The following WWOX variants were observed in gnomAD, a reference collection of about 807,000 sequenced individuals.
The protein encoded by WWOX is WW domain containing oxidoreductase, also known as WW domain-containing oxidoreductase.
A neutral mutation model predicts 46.2 loss-of-function variants in WWOX; 69 were observed. The observed-to-expected ratio is 1.49, with a 90% CI of 1.23 to 1.82. The LOEUF (loss-of-function observed/expected upper bound fraction) is 1.82. WWOX is among the 40% of genes most tolerant of loss of function. The pLI is 0.00. For synonymous variants in WWOX, 359 were observed against 202.6 expected, an observed-to-expected ratio of 1.77 and a Z score of -6.56; for missense variants, 919 against 542.6, an observed-to-expected ratio of 1.69 and a Z score of -6.89.
chr16:78,859,031 T>A (rs1273066671), intron 8 of WWOX, among the ~76,000 whole-genome samples: 85 of 20,854 alleles, frequency 4.1e-3, no homozygotes, highest in Middle Eastern at 0.042. Flanking sequence ...AAAAAAAATA[T>A]ATATATATAT....
At chr16:78,284,500 T>C (rs2151856546) in intron 5 of WWOX, among the ~76,000 whole-genome samples, 1 of 152,338 alleles carries the variant, frequency 6.6e-6, no homozygotes, top group South Asian at 2.1e-4. Flanking sequence ...ATGTGTTGTT[T>C]GAGATGAACC....
chr16:78,242,880 C>A (rs754147756), intron 5 of WWOX, among the ~76,000 whole-genome samples: 1 of 151,948 alleles, frequency 6.6e-6, no homozygotes, highest in Non-Finnish European at 1.5e-5. Flanking sequence ...TGGTGGTGTG[C>A]GCCTGTAATT....
intron 4 of WWOX, among the ~76,000 whole-genome samples, chr16:78,139,808 G>A (rs1197367257): frequency 1.3e-5 from 2 of 152,166 alleles, no homozygotes; most frequent in African/African-American, 4.8e-5. Flanking sequence ...GGGAATTCAG[G>A]AAGGAAGGAG....
At chr16:79,065,901 C>G (rs569202632) in intron 8 of WWOX, among the ~76,000 whole-genome samples, 5 of 152,206 alleles carry the variant, frequency 3.3e-5, no homozygotes, top group Non-Finnish European at 7.3e-5. Context: ...TGGCTTCATT[C>G]TCATGACCAT....
At chr16:78,686,861 G>T (rs752270632) in intron 8 of WWOX, among the ~76,000 whole-genome samples, 4 of 152,186 alleles carry the variant, frequency 2.6e-5, no homozygotes, top group African/African-American at 7.2e-5. Flanking sequence ...CAGGAAGGCA[G>T]TGTTCTTCTT....
intron 8 of WWOX, among the ~76,000 whole-genome samples, chr16:78,769,969 A>C (rs1004586128): frequency 6.6e-6 from 1 of 152,114 alleles, no homozygotes; most frequent in South Asian, 2.1e-4. Flanking sequence ...GCTTGAGCTC[A>C]AGAGGTTGAG....
At chr16:78,180,230 A>G (rs889279894) in intron 5 of WWOX, among the ~76,000 whole-genome samples, 1 of 152,154 alleles carries the variant, frequency 6.6e-6, no homozygotes, top group African/African-American at 2.4e-5. Flanking sequence ...GTCATTCTGG[A>G]GCAGTGGGAG....
intron 8 of WWOX, among the ~76,000 whole-genome samples, chr16:78,469,183 C>A (rs187354414): frequency 6.6e-6 from 1 of 152,156 alleles, no homozygotes; most frequent in African/African-American, 2.4e-5. Flanking sequence ...TTATGGAAAT[C>A]GTCAGGGATA....
At chr16:78,272,090 C>G (rs2079487795) in intron 5 of WWOX, among the ~76,000 whole-genome samples, 1 of 152,168 alleles carries the variant, frequency 6.6e-6, no homozygotes, top group African/African-American at 2.4e-5. Context: ...ATACATTACC[C>G]CAAAACTTAG....
intron 8 of WWOX, among the ~76,000 whole-genome samples, chr16:78,793,010 G>A (rs1310817244): frequency 2.0e-5 from 3 of 152,142 alleles, no homozygotes; most frequent in Non-Finnish European, 2.9e-5. Flanking sequence ...CCCTTAAGAT[G>A]CGGAATTTCC....
intron 4 of WWOX, among the ~76,000 whole-genome samples, chr16:78,124,661 A>G (rs947363125): frequency 2.6e-5 from 4 of 152,218 alleles, no homozygotes; most frequent in Admixed American, 1.3e-4. Flanking sequence ...CTCAGTCTAC[A>G]CAAGCCTAAC....
At position 78,720,063 on chromosome 16, in the gene WWOX, G is replaced by C. The variant is rs116707715; in HGVS notation, c.1056+287311G>C. Among the ~76,000 whole-genome samples the C allele has an allele frequency of 4.0e-3, 613 of 152,198 alleles. 5 individuals carry two copies. Among genetic ancestry groups the C allele is most frequent in the African/African-American group, 0.014 (594 of 41,552 alleles). ...GAAATGACTGTTTTCAGAAAACAACGATTTCAATTTAATCGTATTGTTATT... is the reference window on the plus strand; with the variant it reads ...GAAATGACTGTTTTCAGAAAACAACCATTTCAATTTAATCGTATTGTTATT... On this transcript the variant is annotated intron_variant, in intron 8 of 8. Transcript: ENST00000566780.
chr16:78,969,858 G>C (rs2046437029), intron 8 of WWOX, among the ~76,000 whole-genome samples: 1 of 152,098 alleles, frequency 6.6e-6, no homozygotes, highest in African/African-American at 2.4e-5. Context: ...CGTGGATGGA[G>C]GCATTTGGGA....
At chr16:78,160,516 C>T (rs2034760235) in intron 4 of WWOX, among the ~76,000 whole-genome samples, 1 of 152,118 alleles carries the variant, frequency 6.6e-6, no homozygotes, top group Non-Finnish European at 1.5e-5. Flanking sequence ...TTTGTAATTA[C>T]CGAGTTTAAA....
intron 6 of WWOX, among the ~76,000 whole-genome samples, chr16:78,393,188 A>C (rs2082213019): frequency 6.6e-6 from 1 of 152,100 alleles, no homozygotes; most frequent in Non-Finnish European, 1.5e-5. Flanking sequence ...CTCAGACCAA[A>C]TATTGGGGTT....
At chr16:79,129,058 C>G (rs1205664361) in intron 8 of WWOX, among the ~76,000 whole-genome samples, 1 of 152,150 alleles carries the variant, frequency 6.6e-6, no homozygotes, top group Non-Finnish European at 1.5e-5. Context: ...AACTCTGTTT[C>G]TTCTTTTATG....
At chr16:78,678,914 G>T (rs966623471) in intron 8 of WWOX, among the ~76,000 whole-genome samples, 2 of 152,174 alleles carry the variant, frequency 1.3e-5, no homozygotes, top group African/African-American at 4.8e-5. Context: ...ACCCAGGCTG[G>T]CACCGCACAC....
chr16:79,062,043 C>T (rs2048365921), intron 8 of WWOX, among the ~76,000 whole-genome samples: 1 of 152,026 alleles, frequency 6.6e-6, no homozygotes, highest in South Asian at 2.1e-4. Context: ...TTTGTGATGC[C>T]CTTATCAGCA....
chr16:78,937,875 G>T (rs1439854868), intron 8 of WWOX, among the ~76,000 whole-genome samples: 1 of 152,090 alleles, frequency 6.6e-6, no homozygotes, highest in African/African-American at 2.4e-5. Context: ...CAATCTACCT[G>T]CTTCTCTCTC....
Sources: allele counts gnomAD v4.1 joint callset (sites outside exome capture counted in the v4.1 genomes callset), GRCh38; gene constraint gnomAD v4.1.1; transcripts MANE v1.5; gene names NCBI Gene and HGNC (gene_info 2026-07-23, HGNC 2026-07-21).